Variants in ABI2 observed in about 807,000 individuals in gnomAD.
The protein encoded by ABI2 is abl interactor 2.
A neutral mutation model predicts 59.2 loss-of-function variants in ABI2; 25 were observed. The ratio of observed to expected loss-of-function variants is 0.42; its 90% confidence interval spans 0.31 to 0.59. The LOEUF is 0.59. Ranked by LOEUF, ABI2 falls within the 20% of genes least tolerant of loss-of-function variation. The probability of loss-of-function intolerance (pLI) is 0.14; values close to 1 mark genes in which losing one functional copy is unlikely to be tolerated. For missense variants in ABI2, 545 were observed against 681.8 expected (o/e 0.80, Z 2.23); for synonymous variants, 213 against 235.5 (o/e 0.90, Z 0.87).
intron 1 of ABI2, among the ~76,000 whole-genome samples, chr2:203,331,115 G>A (rs919219601): frequency 4.6e-5 from 7 of 151,922 alleles, no homozygotes; most frequent in African/African-American, 1.7e-4. Context: ...TCTCTTTTTT[G>A]ATTATCATTT....
At chr2:203,335,694 A>G (rs995497607) in intron 1 of ABI2, among the ~76,000 whole-genome samples, 1 of 152,224 alleles carries the variant, frequency 6.6e-6, no homozygotes, top group Non-Finnish European at 1.5e-5. Context: ...AATTCATGCA[A>G]GGAACATAGT....
intron 3 of ABI2, 30 bp downstream of exon 3, chr2:203,380,414 A>G: frequency 1.4e-6 from 2 of 1,441,248 alleles, no homozygotes; most frequent in East Asian, 2.5e-5. Flanking sequence ...AGCTTTTAAA[A>G]GTAGTAACCC....
intron 2 of ABI2, among the ~76,000 whole-genome samples, chr2:203,372,422 C>G (rs1467695848): frequency 6.6e-6 from 1 of 152,246 alleles, no homozygotes; most frequent in Non-Finnish European, 1.5e-5. Flanking sequence ...TCATCCCGGC[C>G]CGTTCTCAAT....
chr2:203,334,047 T>G (rs1559141831), intron 1 of ABI2, among the ~76,000 whole-genome samples: 1 of 151,982 alleles, frequency 6.6e-6, no homozygotes, highest in Non-Finnish European at 1.5e-5. Flanking sequence ...TTCAAGCAAT[T>G]CTCCTGCTTC....
At position 203,349,731 on chromosome 2, in the gene ABI2, C is replaced by T. The variant is rs1431746502; in HGVS notation, c.118-17146C>T. ...TGTTCATTTTTTTTTTTTTTTACGG[C>T]TGAATAATATTCTAGTACATGGATA... On this transcript the variant is annotated intron_variant, in intron 1 of 11. Transcript: ENST00000261018. Among the ~76,000 whole-genome samples, 5 of 150,492 alleles carry T rather than the reference C, an allele frequency of 3.3e-5. No homozygotes were observed. In the South Asian group the frequency reaches 8.4e-4, roughly 25 times the overall value.
chr2:203,359,957 C>T (rs530314557), intron 1 of ABI2, among the ~76,000 whole-genome samples: 29 of 151,996 alleles, frequency 1.9e-4, no homozygotes, highest in African/African-American at 4.6e-4. Flanking sequence ...GAGGCTGAGG[C>T]GGGTGGATCA....
At chr2:203,424,123 A>G (rs192380121) in intron 11 of ABI2, among the ~76,000 whole-genome samples, 1 of 152,300 alleles carries the variant, frequency 6.6e-6, no homozygotes, top group East Asian at 1.9e-4. Flanking sequence ...TTTCTTCCCT[A>G]TTGCCAAAAC....
chr2:203,421,064 T>TA (rs531718926), intron 11 of ABI2, among the ~76,000 whole-genome samples: 19 of 149,830 alleles, frequency 1.3e-4, no homozygotes, highest in African/African-American at 2.0e-4. Context: ...GGTGTTGGAT[T>TA]AAAAAAAAAA....
intron 1 of ABI2, among the ~76,000 whole-genome samples, chr2:203,329,825 C>T (rs1179371727): frequency 6.6e-6 from 1 of 151,944 alleles, no homozygotes; most frequent in Non-Finnish European, 1.5e-5. Context: ...AAACCTCGGC[C>T]TCCTAGGTTT....
intron 5 of ABI2, among the ~76,000 whole-genome samples, chr2:203,393,091 G>A (rs1232194750): frequency 6.6e-6 from 1 of 152,100 alleles, no homozygotes; most frequent in African/African-American, 2.4e-5. Flanking sequence ...ACTGGAGTGC[G>A]GTTGTACAAT....
chr2:203,345,215 T>C (rs943639376), intron 1 of ABI2, among the ~76,000 whole-genome samples: 6 of 152,130 alleles, frequency 3.9e-5, no homozygotes, highest in Non-Finnish European at 7.4e-5. Context: ...CACAAACTTA[T>C]CGGGAGGAAC....
rs149705386 is a variant in ABI2, at chr2:203,390,093, A to C, written c.481-953A>C. ...CAGTTGAATGGGATACCTCAGCCCT[A>C]ACTTTCTGGTTCAGATGTTTAGGAA... is the stretch of plus-strand genomic sequence containing the variant. On this transcript the variant is annotated intron_variant, in intron 4 of 11. Coordinates refer to ENST00000261018, the MANE Select transcript of ABI2 (RefSeq NM_001375670.1). Among the ~76,000 whole-genome samples the C allele has an allele frequency of 3.9e-5, 6 of 152,302 alleles. No individual in the cohort carries two copies. In the East Asian group the frequency reaches 1.2e-3, roughly 29 times the overall value.
chr2:203,345,205 C>T (rs1284785133), intron 1 of ABI2, among the ~76,000 whole-genome samples: 2 of 152,142 alleles, frequency 1.3e-5, no homozygotes, highest in African/African-American at 2.4e-5. Context: ...CCAGCGAGAC[C>T]ACAAACTTAT....
At chr2:203,402,875 GGTT>G in intron 9 of ABI2, 141 bp downstream of exon 9, 2 of 576,042 alleles carry the variant, frequency 3.5e-6, no homozygotes, top group Non-Finnish European at 5.5e-6. Flanking sequence ...ATGAATTGTA[GGTT>G]GTTAATACTG....
intron 11 of ABI2, among the ~76,000 whole-genome samples, chr2:203,423,663 T>C (rs1006687193): frequency 6.6e-6 from 1 of 152,198 alleles, no homozygotes; most frequent in East Asian, 1.9e-4. Context: ...CCTTGTGATC[T>C]GCCCACCTTG....
chr2:203,338,756 C>A (rs534451757), intron 1 of ABI2, among the ~76,000 whole-genome samples: 3 of 150,766 alleles, frequency 2.0e-5, no homozygotes, highest in East Asian at 3.9e-4. Flanking sequence ...AAATATGACA[C>A]CAAAAGCACA....
At chr2:203,395,448 T>TGTATATATAC (rs2096937476) in intron 6 of ABI2, among the ~76,000 whole-genome samples, 1 of 115,328 alleles carries the variant, frequency 8.7e-6, no homozygotes, top group Non-Finnish European at 1.8e-5. Context: ...TATATATATA[T>TGTATATATAC]ACACACACAC....
intron 2 of ABI2, among the ~76,000 whole-genome samples, chr2:203,373,170 A>G (rs1225254222): frequency 6.6e-6 from 1 of 152,076 alleles, no homozygotes; most frequent in Admixed American, 6.5e-5. Flanking sequence ...CAGCCTGGGC[A>G]CCATTGAGCA....
chr2:203,356,647 G>A (rs933308200), intron 1 of ABI2, among the ~76,000 whole-genome samples: 9 of 152,130 alleles, frequency 5.9e-5, no homozygotes, highest in African/African-American at 2.2e-4. Context: ...TATGATTGCA[G>A]GCGTTAGCCA....
Sources: gnomAD v4.1 joint callset for allele counts (sites outside exome capture counted in the v4.1 genomes callset) on GRCh38, gnomAD v4.1.1 for gene constraint, MANE v1.5 for transcripts, NCBI Gene and HGNC (gene_info 2026-07-23, HGNC 2026-07-21) for gene names.